Variants in MRGPRF observed in about 807,000 individuals in gnomAD.
The protein encoded by MRGPRF is mas-related G protein-coupled receptor member F.
In MRGPRF, 2 loss-of-function variants were observed where a neutral mutation model predicts 3.3. That is an observed-to-expected ratio of 0.61 (90% CI 0.25 to 1.92). MRGPRF has a LOEUF of 1.92. Ranked by LOEUF, MRGPRF falls within the 40% of genes most tolerant of loss-of-function variation. MRGPRF has a pLI of 0.16. For synonymous variants in MRGPRF, 242 were observed against 222.7 expected, an observed-to-expected ratio of 1.09 and a Z score of -0.77; for missense variants, 500 against 476.0, an observed-to-expected ratio of 1.05 and a Z score of -0.47.
intron 1 of MRGPRF, 79 bp from the exon 2 acceptor site, chr11:69,010,036 A>T: frequency 2.2e-6 from 2 of 894,930 alleles, no homozygotes; most frequent in Non-Finnish European, 3.3e-6. Context: ...CTAGGCCCCC[A>T]AGGCCTGTGG....
chr11:69,005,571 C>A lies in MRGPRF; in HGVS notation c.739G>T (p.Val247Phe). The A allele has an allele frequency of 1.3e-6, 2 of 1,585,190 alleles. No homozygotes were observed. The highest frequency in any genetic ancestry group is 1.7e-6 in the Non-Finnish European group (2 of 1,166,200). ...LNHVILAMVS[V>F]FLVSSIYLGI... The stretch of plus-strand genomic sequence containing the variant: ...AAGTAGATGGAGGACACCAGGAAGA[C>A]GGAGACCATGGCCAGGATGACGTGG... Residue 247 changes from valine (V) to phenylalanine (F), a missense_variant, in exon 3 of 3, where the codon GTC (valine) becomes TTC (phenylalanine). By Grantham distance (50) the Val-to-Phe change is conservative. Coordinates refer to ENST00000309099, the MANE Select transcript of MRGPRF (RefSeq NM_145015.5).
At chr11:69,009,417 T>G (rs776360531) in intron 2 of MRGPRF, 401 of 486,976 alleles carry the variant, frequency 8.2e-4, no homozygotes, top group Admixed American at 1.4e-3. Context: ...GACCCTGGCC[T>G]GGGGCAACAC....
Position 69,005,353 on chromosome 11 carries a change from C to T in MRGPRF, c.957G>A (p.Glu319=), listed in dbSNP as rs570453145. The change falls in exon 3 of 3, where the codon GAG becomes GAA. Residue 319 remains glutamate, a synonymous_variant. Coordinates refer to ENST00000309099, the MANE Select transcript of MRGPRF (RefSeq NM_145015.5). ...VFQRALRDGA[E]LGEAGGSTPN... ...GCGTGCTGCCCCCGGCCTCCCCCAG[C>T]TCAGCGCCGTCCCGCAGGGCCCGCT... 7.1e-5 allele frequency: 112 copies of T among 1,567,838 alleles called. No individual in the cohort carries two copies. The South Asian group carries it at 1.3e-3, about 18-fold the overall frequency.
intron 2 of MRGPRF, among the ~76,000 whole-genome samples, chr11:69,007,242 TGCTTTGTCAGGC>T (rs1345161974): frequency 6.6e-6 from 1 of 152,146 alleles, no homozygotes; most frequent in Non-Finnish European, 1.5e-5. Flanking sequence ...GACAGAGTCT[TGCTTTGTCAGGC>T]TAGAGTGCAG....
chr11:69,006,623 T>TA (rs2154012582), intron 2 of MRGPRF, among the ~76,000 whole-genome samples: 1 of 142,750 alleles, frequency 7.0e-6, no homozygotes, highest in South Asian at 2.3e-4. Context: ...CTTTCCCTTT[T>TA]TTTTTTTTTT....
intron 2 of MRGPRF, chr11:69,009,457 C>T: frequency 1.8e-6 from 1 of 552,638 alleles, no homozygotes; most frequent in Non-Finnish European, 3.2e-6. Context: ...CCCCTAGGCT[C>T]CATGGAGCAC....
In MRGPRF at chr11:69,005,483, G is replaced by T. The variant is rs752267382; in HGVS notation, c.827C>A (p.Thr276Asn). The T allele has an allele frequency of 1.3e-5, 21 of 1,585,502 alleles. No homozygotes were observed. In the South Asian group the frequency reaches 2.4e-4, roughly 18 times the overall value. ...QIPAPFPEYV[T>N]DLCICINSSA... ...GCTGTTGATGCAGATGCACAGGTCA[G>T]TGACGTACTCGGGGAAGGGGGCCGG... The change falls in exon 3 of 3, where the codon ACT (threonine) becomes AAT (asparagine). Residue 276 changes from threonine to asparagine, a missense_variant. By Grantham distance (65) the Thr-to-Asn change is moderately conservative. Transcript: ENST00000309099.
rs572335452 is a variant in MRGPRF, at chr11:69,005,105, G to A, written c.*173C>T. On this transcript the variant is annotated 3_prime_UTR_variant, in exon 3 of 3. Coordinates refer to ENST00000309099, the MANE Select transcript of MRGPRF (RefSeq NM_145015.5). ...CCACAGGGTCTGTTTGCTGGTGGCT[G>A]CCCAGTCTCCCAGCCACCCCTGGAG... 6.5e-4 allele frequency: 513 copies of A among 788,270 alleles called. 8 individuals are homozygous for A. The South Asian group carries it at 0.01, about 16-fold the overall frequency. 48.8% of individuals were successfully genotyped at this position (788,270 alleles called of 1,614,324 possible). A position where few individuals can be genotyped will look rare whatever the true frequency, so the allele number is the denominator to read the frequency against.
rs1437981545 is a variant in MRGPRF at position 69,005,879 on chromosome 11, G to C, written c.431C>G (p.Ser144Trp). 1 of 1,563,344 alleles carries C rather than the reference G, an allele frequency of 6.4e-7. No homozygotes were observed. The highest frequency in any genetic ancestry group is 8.6e-7 in the Non-Finnish European group (1 of 1,156,308). ...CCAGTACCAGGCGGGGAAGATGACC[G>C]AGGCGCAGCGCTCGGCGCTGACGGC... Reference protein sequence around the residue: ...LPAVSAERCASVIFPAWYWRR... With the variant: ...LPAVSAERCAWVIFPAWYWRR... Residue 144 changes from serine to tryptophan, a missense_variant, in exon 3 of 3, where the codon TCG becomes TGG. Coordinates refer to ENST00000309099, the MANE Select transcript of MRGPRF (RefSeq NM_145015.5).
chr11:69,009,148 G>C (rs549325806), intron 2 of MRGPRF, among the ~76,000 whole-genome samples: 2 of 152,338 alleles, frequency 1.3e-5, no homozygotes, highest in South Asian at 4.1e-4. Flanking sequence ...AGATCCCCAG[G>C]GCTGGGCTGG....
chr11:69,005,655 C>T lies in MRGPRF; in HGVS notation c.655G>A (p.Ala219Thr), dbSNP rs1434295000. The T allele has an allele frequency of 5.8e-6, 9 of 1,552,076 alleles. No individual in the cohort carries two copies. The highest frequency in any genetic ancestry group is 7.8e-6 in the Non-Finnish European group (9 of 1,147,706). The part of the protein sequence containing the change: ...CCPLMVLPCL[A>T]LILHVECRAR... ...CGGCACTCCACGTGCAGGATGAGGG[C>T]CAGGCAGGGCAGCACCATGAGCGGG... The change falls in exon 3 of 3, where the codon GCC becomes ACC. Residue 219 changes from alanine to threonine, a missense_variant. Transcript: ENST00000309099.
Position 69,006,074 on chromosome 11 carries a change from GAGA to G in MRGPRF, c.233_235del (p.Phe78del). On this transcript the variant is annotated inframe_deletion, in exon 3 of 3. Coordinates refer to ENST00000309099, the MANE Select transcript of MRGPRF (RefSeq NM_145015.5). ...GCTGGCCAGGTGCAGGAAGTAGATGGAGAAGGGGTTCCTCTTGATGGAGAAGCC... is the reference window on the plus strand; with the variant it reads ...GCTGGCCAGGTGCAGGAAGTAGATGGAGGGGTTCCTCTTGATGGAGAAGCC... 1.2e-6 allele frequency: 2 copies of G among 1,606,520 alleles called. No homozygotes were observed. Among genetic ancestry groups the G allele is most frequent in the Non-Finnish European group, 1.7e-6 (2 of 1,176,504 alleles).
At chr11:69,007,147 G>A (rs1335174079) in intron 2 of MRGPRF, among the ~76,000 whole-genome samples, 13 of 152,330 alleles carry the variant, frequency 8.5e-5, no homozygotes, top group East Asian at 3.9e-4. Flanking sequence ...CTACGGGAAC[G>A]TCCTTGTTCT....
chr11:69,006,812 CG>C (rs1413888583), intron 2 of MRGPRF, among the ~76,000 whole-genome samples: 3 of 151,936 alleles, frequency 2.0e-5, no homozygotes, highest in African/African-American at 7.3e-5. Flanking sequence ...TCAGTAGAGA[CG>C]GGGCTTCGCC....
At chr11:69,007,639 C>A (rs1325483810) in intron 2 of MRGPRF, among the ~76,000 whole-genome samples, 1 of 152,072 alleles carries the variant, frequency 6.6e-6, no homozygotes, top group Non-Finnish European at 1.5e-5. Flanking sequence ...ACTATTCTTG[C>A]AAAATCTTGC....
At chr11:69,006,424 T>A (rs923016744) in intron 2 of MRGPRF, among the ~76,000 whole-genome samples, 163 bp from the exon 3 acceptor site, 9 of 152,058 alleles carry the variant, frequency 5.9e-5, no homozygotes, top group Non-Finnish European at 1.0e-4. Flanking sequence ...TGGCTGCAAC[T>A]CTATCCTCAA....
At chr11:69,006,619 C>CTTTTTTTTTT (rs11326908) in intron 2 of MRGPRF, among the ~76,000 whole-genome samples, 3 of 107,936 alleles carry the variant, frequency 2.8e-5, no homozygotes, top group Non-Finnish European at 5.3e-5. Context: ...GAGCCTTTCC[C>CTTTTTTTTTT]TTTTTTTTTT....
chr11:69,007,451 G>A (rs368869657), intron 2 of MRGPRF, among the ~76,000 whole-genome samples: 44 of 152,152 alleles, frequency 2.9e-4, no homozygotes, highest in African/African-American at 1.1e-3. Flanking sequence ...CAGGTGATCC[G>A]CCCATCTTGG....
chr11:69,005,377 C>T lies in MRGPRF; in HGVS notation c.933G>A (p.Gln311=). The T allele has an allele frequency of 4.5e-6, 7 of 1,573,004 alleles. No homozygotes were observed. Among genetic ancestry groups the T allele is most frequent in the Non-Finnish European group, 6.0e-6 (7 of 1,159,872 alleles). The part of the protein sequence containing the change: ...RLWEPLRVVF[Q]RALRDGAELG... Reference sequence around the variant, plus strand: ...GCTCAGCGCCGTCCCGCAGGGCCCGCTGGAAGACCACCCTGAGCGGCTCCC... The same window carrying T: ...GCTCAGCGCCGTCCCGCAGGGCCCGTTGGAAGACCACCCTGAGCGGCTCCC... Residue 311 remains glutamine, a synonymous_variant, in exon 3 of 3, where the codon CAG becomes CAA. Transcript: ENST00000309099.
Sources: allele counts gnomAD v4.1 joint callset (sites outside exome capture counted in the v4.1 genomes callset), GRCh38; gene constraint gnomAD v4.1.1; transcripts MANE v1.5; gene names NCBI Gene and HGNC (gene_info 2026-07-23, HGNC 2026-07-21).